The following COL1A2 variants were observed in gnomAD, a reference collection of about 807,000 sequenced individuals.
COL1A2 encodes collagen alpha-2(I) chain.
A neutral mutation model predicts 174.3 loss-of-function variants in COL1A2; 49 were observed. The ratio of observed to expected loss-of-function variants is 0.28; its 90% CI spans 0.22 to 0.36. COL1A2 has a LOEUF of 0.36. Among genes scored for constraint, COL1A2 ranks in the 10% least tolerant of loss-of-function variants. The probability of loss-of-function intolerance (pLI) is 1.00; values close to 1 mark genes in which losing one functional copy is unlikely to be tolerated. For synonymous variants in COL1A2, 655 were observed against 606.6 expected (o/e 1.08, Z -1.17); for missense variants, 1,438 against 1,822.7 (o/e 0.79, Z 3.84).
chr7:94,430,214 G>A, intron 51 of COL1A2, 33 bp from the exon 52 acceptor site: 1 of 1,599,454 alleles, frequency 6.3e-7, no homozygotes, highest in Non-Finnish European at 8.6e-7. Context: ...AAATAGTGAT[G>A]CTTTGTGTAT....
intron 1 of COL1A2, 194 bp downstream of exon 1, chr7:94,395,295 C>A (rs1241845761): frequency 4.3e-6 from 3 of 705,298 alleles, no homozygotes; most frequent in African/African-American, 1.8e-5. Context: ...AAAAGCCTTG[C>A]CAAAAGTTAG....
intron 33 of COL1A2, among the ~76,000 whole-genome samples, chr7:94,418,774 C>T (rs1051443227): frequency 1.1e-4 from 17 of 151,976 alleles, no homozygotes; most frequent in Admixed American, 2.6e-4. Context: ...CCTGAATTTT[C>T]TAACTTCCCT....
At chr7:94,408,089 C>T (rs1251929787) in intron 13 of COL1A2, 94 bp from the exon 14 acceptor site, 17 of 1,374,038 alleles carry the variant, frequency 1.2e-5, no homozygotes, top group Non-Finnish European at 1.7e-5. Flanking sequence ...TTAGTGTATT[C>T]TTGTACAGGT....
At chr7:94,422,029 A>T in intron 39 of COL1A2, 77 bp downstream of exon 39, 1 of 1,271,246 alleles carries the variant, frequency 7.9e-7, no homozygotes, top group Non-Finnish European at 1.1e-6. Flanking sequence ...CTGGTAAGAA[A>T]CTCTTCATGA....
At position 94,398,309 on chromosome 7, in the gene COL1A2, C is replaced by A. The variant is rs1791621694; in HGVS notation, c.82-73C>A. On this transcript the variant is annotated intron_variant, in intron 2 of 51. Transcript: ENST00000297268. ...TGTGAAGGTATATTTGTATACTACA[C>A]CAAAATGGAAGCTGTTTTTAAATAT... 7 of 511,914 alleles carry A rather than the reference C, an allele frequency of 1.4e-5. No homozygotes were observed. In the South Asian group the frequency reaches 1.6e-4, roughly 11 times the overall value. 31.7% of individuals were successfully genotyped at this position (511,914 alleles called of 1,614,324 possible).
At chr7:94,406,344 T>A in intron 12 of COL1A2, 41 bp downstream of exon 12, 1 of 1,590,502 alleles carries the variant, frequency 6.3e-7, no homozygotes, top group South Asian at 1.1e-5. Context: ...AGCACTTGAT[T>A]GAAATTCCCC....
In COL1A2 at chr7:94,427,629, C is replaced by A. The variant is rs548761767; in HGVS notation, c.3270C>A (p.Gly1090=). Residue 1090 remains glycine, a splice_region_variant and synonymous_variant, in exon 49 of 52, where the codon GGC becomes GGA. Transcript: ENST00000297268. ...CTATCTCACTTTCACCTTTGCAGGG[C>A]CCCCCTGGTCCCCCTGGCCCTCCTG... ...RGPQGHQGPA[G]PPGPPGPPGP... is the part of the protein sequence containing the mutation. 1.2e-6 allele frequency: 2 copies of A among 1,613,830 alleles called. No individual in the cohort carries two copies. The highest frequency in any genetic ancestry group is 2.2e-5 in the East Asian group (1 of 44,874).
At chr7:94,412,391 C>T (rs1791946426) in intron 24 of COL1A2, among the ~76,000 whole-genome samples, 193 bp from the exon 25 acceptor site, 1 of 151,452 alleles carries the variant, frequency 6.6e-6, no homozygotes, top group South Asian at 2.1e-4. Context: ...TGCATACATA[C>T]GAGATTGAAT....
rs1425776099 is a variant in COL1A2 at position 94,394,937 on chromosome 7, G to C, written c.-95G>C. 4.1e-6 allele frequency: 4 copies of C among 980,498 alleles called. No individual in the cohort carries two copies. The highest frequency in any genetic ancestry group is 6.6e-6 in the Non-Finnish European group (4 of 604,798). The allele number at this position is 980,498 out of a possible 1,614,324, so 60.7% of individuals were successfully genotyped here. Reference sequence around the variant, plus strand: ...AGGTTTCGGCTAAGTTGGAGGTACTGGCCACGACTGCATGCCCGCGCCCGC... The same window carrying C: ...AGGTTTCGGCTAAGTTGGAGGTACTCGCCACGACTGCATGCCCGCGCCCGC... On this transcript the variant is annotated 5_prime_UTR_variant, in exon 1 of 52. Transcript: ENST00000297268.
chr7:94,412,535 T>G (rs896439441), intron 24 of COL1A2, 49 bp from the exon 25 acceptor site: 1 of 1,419,948 alleles, frequency 7.0e-7, no homozygotes, highest in Middle Eastern at 1.7e-4. Context: ...AGCTTGAGGT[T>G]GTGAGAATAT....
At chr7:94,416,769 T>C (rs1266627623) in intron 31 of COL1A2, 2 of 458,720 alleles carry the variant, frequency 4.4e-6, no homozygotes, top group Non-Finnish European at 3.9e-6. Flanking sequence ...CTCCTCACGC[T>C]GTTTATGCTT....
chr7:94,420,846 A>C (rs1424200251), intron 37 of COL1A2, 163 bp from the exon 38 acceptor site: 3 of 880,076 alleles, frequency 3.4e-6, no homozygotes, highest in Non-Finnish European at 5.6e-6. Context: ...ATTCTCTGAT[A>C]ACCTCATAAG....
chr7:94,417,903 T>C, intron 32 of COL1A2, 72 bp downstream of exon 32: 2 of 1,273,034 alleles, frequency 1.6e-6, no homozygotes, highest in Admixed American at 2.0e-5. Flanking sequence ...TGCCCAAGTT[T>C]TCACAATTCT....
rs1424635412 is a variant in COL1A2 at position 94,417,802 on chromosome 7, G to T, written c.1942G>T (p.Ala648Ser). The T allele has an allele frequency of 6.2e-7, 1 of 1,603,314 alleles. No homozygotes were observed. The highest frequency in any genetic ancestry group is 1.1e-5 in the South Asian group (1 of 88,410). ...TGGACTCCCAGGAGAGAGGGGTGCT[G>T]CTGGCATACCTGGAGGCAAGGGAGA... ...PSGLPGERGA[A>S]GIPGGKGEKG... Residue 648 changes from alanine (A) to serine (S), a missense_variant, in exon 32 of 52, where the codon GCT becomes TCT. Transcript: ENST00000297268.
chr7:94,397,776 T>A lies in COL1A2; in HGVS notation c.81+18T>A, dbSNP rs1183435820. On this transcript the variant is annotated intron_variant, in intron 2 of 51. Transcript: ENST00000297268. ...TACAAGAGGTGAGTAAAACTTTTTT[T>A]AGAATTTTTAAAAATACTTTGATTC... The A allele has an allele frequency of 5.4e-6, 7 of 1,294,536 alleles. No homozygotes were observed. The highest frequency in any genetic ancestry group is 7.7e-6 in the Non-Finnish European group (7 of 903,846). 80.2% of individuals were successfully genotyped at this position (1,294,536 alleles called of 1,614,324 possible). A position where few individuals can be genotyped will look rare whatever the true frequency, so the allele number is the denominator to read the frequency against.
intron 6 of COL1A2, among the ~76,000 whole-genome samples, chr7:94,404,104 G>A (rs1791746013): frequency 6.6e-6 from 1 of 152,094 alleles, no homozygotes; most frequent in Non-Finnish European, 1.5e-5. Flanking sequence ...AAGGACTTTT[G>A]ATTCTTTTCA....
intron 51 of COL1A2, 83 bp from the exon 52 acceptor site, chr7:94,430,164 G>A: frequency 1.5e-6 from 2 of 1,366,892 alleles, no homozygotes; most frequent in East Asian, 4.6e-5. Context: ...CCAAACAGTG[G>A]TTCTTATTAA....
At position 94,410,533 on chromosome 7, in the gene COL1A2, T is replaced by C; in HGVS notation, c.1197+6T>C. ...CAGGACCTCCTGGGCTGAGAGTAGG[T>C]TTCAAATGCTCCCAACACCCTAACA... is the stretch of plus-strand genomic sequence containing the variant. On this transcript the variant is annotated splice_donor_region_variant and intron_variant, in intron 21 of 51. Coordinates refer to ENST00000297268, the MANE Select transcript of COL1A2 (RefSeq NM_000089.4). 6.5e-7 allele frequency: 1 copy of C among 1,546,680 alleles called. No homozygotes were observed. Among genetic ancestry groups the C allele is most frequent in the Non-Finnish European group, 8.7e-7 (1 of 1,144,324 alleles).
At chr7:94,408,121 GA>G (rs1488154272) in intron 13 of COL1A2, 61 bp from the exon 14 acceptor site, 121 of 1,553,026 alleles carry the variant, frequency 7.8e-5, no homozygotes, top group Non-Finnish European at 1.0e-4. Context: ...CAAAGCAAAT[GA>G]TGCCTGTGAC....
Sources: gnomAD v4.1 joint callset for allele counts (sites outside exome capture counted in the v4.1 genomes callset) on GRCh38, gnomAD v4.1.1 for gene constraint, MANE v1.5 for transcripts, NCBI Gene and HGNC (gene_info 2026-07-23, HGNC 2026-07-21) for gene names.